The following BICRA variants were observed in gnomAD, a reference collection of about 807,000 sequenced individuals.
BICRA encodes the protein BRD4-interacting chromatin-remodeling complex-associated protein.
Under a neutral mutation model 96.9 loss-of-function variants are expected in BICRA, and 31 were observed. The observed-to-expected ratio is 0.32, with a 90% confidence interval of 0.24 to 0.43. The LOEUF (loss-of-function observed/expected upper bound fraction) is 0.43, where lower values mean the gene tolerates loss of function less well. BICRA is among the 20% of genes least tolerant of loss of function. BICRA has a pLI of 1.00. For synonymous variants in BICRA, 1,350 were observed against 1,071.8 expected, an observed-to-expected ratio of 1.26 and a Z score of -5.07; for missense variants, 2,283 against 2,190.3, an observed-to-expected ratio of 1.04 and a Z score of -0.84.
intron 1 of BICRA, among the ~76,000 whole-genome samples, chr19:47,666,161 G>A (rs1245648720): frequency 2.0e-5 from 3 of 152,222 alleles, no homozygotes; most frequent in African/African-American, 2.4e-5. Flanking sequence ...TAGGGTACAC[G>A]GCTGGGAACG....
chr19:47,651,515 C>T (rs1161421751), intron 1 of BICRA, among the ~76,000 whole-genome samples: 1 of 152,140 alleles, frequency 6.6e-6, no homozygotes, highest in African/African-American at 2.4e-5. Context: ...GACGCTGTCT[C>T]TTGGTTCAGG....
chr19:47,657,110 C>T (rs8111070), intron 1 of BICRA, among the ~76,000 whole-genome samples: 22,018 of 152,074 alleles, frequency 0.14, 1,663 homozygotes, highest in South Asian at 0.2. Flanking sequence ...ATCTGCCTGC[C>T]TTGGCCTCCC....
chr19:47,658,626 C>T (rs1474678039), intron 1 of BICRA, among the ~76,000 whole-genome samples: 10 of 115,464 alleles, frequency 8.7e-5, no homozygotes, highest in African/African-American at 1.8e-4. Context: ...AATGAGACTT[C>T]GTCTCAAAAA....
intron 7 of BICRA, among the ~76,000 whole-genome samples, chr19:47,693,902 G>A (rs1599863764): frequency 6.6e-6 from 1 of 152,278 alleles, no homozygotes; most frequent in East Asian, 1.9e-4. Context: ...CTGCGGTGGG[G>A]GACAGAGGTC....
chr19:47,692,894 G>A (rs1416766089), intron 7 of BICRA, among the ~76,000 whole-genome samples: 1 of 152,206 alleles, frequency 6.6e-6, no homozygotes, highest in African/African-American at 2.4e-5. Flanking sequence ...CTCTGAGCCT[G>A]AACTCAGTCA....
chr19:47,700,941 T>A (rs1973431454), intron 14 of BICRA: 2 of 244,970 alleles, frequency 8.2e-6, no homozygotes, highest in Admixed American at 1.1e-4. Context: ...ATTTATTGTT[T>A]TTTTGTTTGT....
At chr19:47,648,675 TTTTG>T (rs200036097) in intron 1 of BICRA, among the ~76,000 whole-genome samples, 6 of 149,028 alleles carry the variant, frequency 4.0e-5, no homozygotes, top group Admixed American at 6.7e-5. Flanking sequence ...AGTTTTTTTT[TTTTG>T]TTTGTTTTTT....
intron 1 of BICRA, among the ~76,000 whole-genome samples, chr19:47,614,185 G>C (rs558062430): frequency 4.3e-4 from 65 of 152,152 alleles, no homozygotes; most frequent in Middle Eastern, 3.4e-3. Context: ...CACACACGGG[G>C]CAAATTCAGA....
intron 1 of BICRA, among the ~76,000 whole-genome samples, chr19:47,651,502 C>T (rs538890593): frequency 2.3e-4 from 35 of 152,214 alleles, no homozygotes; most frequent in Non-Finnish European, 3.8e-4. Context: ...ATCTTCTCCT[C>T]GGGACGCTGT....
intron 2 of BICRA, among the ~76,000 whole-genome samples, chr19:47,672,630 G>A (rs932405913): frequency 6.6e-6 from 1 of 151,622 alleles, no homozygotes; most frequent in Non-Finnish European, 1.5e-5. Flanking sequence ...GTTTTGGAGG[G>A]TTGGAGGAAT....
Position 47,702,134 on chromosome 19 carries a change from G to A in BICRA, c.4402G>A (p.Gly1468Arg), listed in dbSNP as rs749800105. The A allele has an allele frequency of 1.3e-6, 2 of 1,540,700 alleles. No individual in the cohort carries two copies. The highest frequency in any genetic ancestry group is 2.4e-5 in the South Asian group (2 of 84,008). Residue 1468 changes from glycine (G) to arginine (R), a missense_variant, in exon 15 of 15, where the codon GGG becomes AGG. Physicochemically the swap from Gly to Arg is moderately radical, Grantham distance 125. Coordinates refer to ENST00000594866, the MANE Select transcript of BICRA (RefSeq NM_001394372.1). ...CGGGGACCCCGACTGGGAGGCGCCC[G>A]GGCTGCCCCCTGCCAAGCGGCGCAA... ...GTGDPDWEAPGLPPAKRRKSE... is the reference protein window; with the variant it reads ...GTGDPDWEAPRLPPAKRRKSE...
chr19:47,628,074 T>C (rs1353771830), intron 1 of BICRA, among the ~76,000 whole-genome samples: 1 of 151,966 alleles, frequency 6.6e-6, no homozygotes, highest in Non-Finnish European at 1.5e-5. Context: ...GGCCAGGGTG[T>C]GGGGTTTAAT....
intron 1 of BICRA, among the ~76,000 whole-genome samples, chr19:47,624,992 C>CTT (rs35273886): frequency 0.048 from 2,798 of 58,000 alleles, 271 homozygotes; most frequent in Non-Finnish European, 0.058. Context: ...CTGCACCTGG[C>CTT]TTTTTTTTTT....
intron 7 of BICRA, among the ~76,000 whole-genome samples, chr19:47,683,987 G>T (rs1036126067): frequency 6.6e-6 from 1 of 152,198 alleles, no homozygotes; most frequent in African/African-American, 2.4e-5. Flanking sequence ...GATGGCAGAA[G>T]TCAGCACAGG....
chr19:47,680,551 C>G lies in BICRA; in HGVS notation c.1381C>G (p.Pro461Ala). The stretch of plus-strand genomic sequence containing the variant: ...GAACCAAGGCAGCAGCATCGTCATC[C>G]CCGCCCAGCACATGCTGCCGGGCCA... Reference protein sequence around the residue: ...LLNQGSSIVIPAQHMLPGQNQ... With the variant: ...LLNQGSSIVIAAQHMLPGQNQ... Residue 461 changes from proline (P) to alanine (A), a missense_variant, in exon 6 of 15, where the codon CCC (proline) becomes GCC (alanine). Transcript: ENST00000594866. 6.3e-7 allele frequency: 1 copy of G among 1,583,574 alleles called. No individual in the cohort carries two copies. The highest frequency in any genetic ancestry group is 8.6e-7 in the Non-Finnish European group (1 of 1,166,274).
Position 47,681,092 on chromosome 19 carries a change from A to AGCCGCAGGCGCAGCAGCC in BICRA, c.1923_1940dup (p.Gln645_Ala650dup). On this transcript the variant is annotated inframe_insertion, in exon 6 of 15. Coordinates refer to ENST00000594866, the MANE Select transcript of BICRA (RefSeq NM_001394372.1). ...ACACCCCTGCCCCTGGGCCTCCAGC[A>AGCCGCAGGCGCAGCAGCC]GCCGCAGGCGCAGCAGCCCCCGCAG... 1 of 1,433,140 alleles carries AGCCGCAGGCGCAGCAGCC rather than the reference A, an allele frequency of 7.0e-7. No individual in the cohort carries two copies. Among genetic ancestry groups the AGCCGCAGGCGCAGCAGCC allele is most frequent in the Non-Finnish European group, 9.2e-7 (1 of 1,090,688 alleles). 88.8% of individuals were successfully genotyped at this position (1,433,140 alleles called of 1,614,324 possible).
chr19:47,685,805 G>GCA (rs1973148295), intron 7 of BICRA, among the ~76,000 whole-genome samples: 1 of 150,222 alleles, frequency 6.7e-6, no homozygotes, highest in Admixed American at 6.6e-5. Flanking sequence ...GCGCGCATGC[G>GCA]TACATTTTCC....
At chr19:47,673,037 T>C (rs1972889452) in intron 2 of BICRA, among the ~76,000 whole-genome samples, 1 of 152,120 alleles carries the variant, frequency 6.6e-6, no homozygotes, top group African/African-American at 2.4e-5. Flanking sequence ...TTGTCTACAC[T>C]GGCTCCCTCA....
At chr19:47,641,065 G>A (rs1236554336) in intron 1 of BICRA, among the ~76,000 whole-genome samples, 3 of 139,538 alleles carry the variant, frequency 2.1e-5, no homozygotes, top group African/African-American at 8.1e-5. Flanking sequence ...CACCATGCCT[G>A]GCTAATTTTT....
Sources: gnomAD v4.1 joint callset for allele counts (sites outside exome capture counted in the v4.1 genomes callset) on GRCh38, gnomAD v4.1.1 for gene constraint, MANE v1.5 for transcripts, NCBI Gene and HGNC (gene_info 2026-07-23, HGNC 2026-07-21) for gene names.